PHACTR2: variants seen among roughly 807,000 people sequenced by gnomAD.
The protein encoded by PHACTR2 is chromosome 6 open reading frame 56.
PHACTR2 carries 30 observed loss-of-function variants against 76.0 expected under a neutral mutation model. The ratio of observed to expected loss-of-function variants is 0.39; its 90% CI spans 0.30 to 0.54. The LOEUF (loss-of-function observed/expected upper bound fraction) is 0.54. Among genes scored for constraint, PHACTR2 ranks in the 20% least tolerant of loss-of-function variants. PHACTR2 has a pLI of 0.61. For missense variants in PHACTR2, 696 were observed against 781.1 expected (o/e 0.89, Z 1.30); for synonymous variants, 292 against 292.5 (o/e 1.00, Z 0.02).
chr6:143,553,032 G>A lies in PHACTR2; in HGVS notation c.217+15825G>A, dbSNP rs1219834708. Among the ~76,000 whole-genome samples, 1 of 152,070 alleles carries A rather than the reference G, an allele frequency of 6.6e-6. No individual in the cohort carries two copies. The highest frequency in any genetic ancestry group is 1.5e-5 in the Non-Finnish European group (1 of 68,044). Reference sequence around the variant, plus strand: ...GCCAGGTATTTAAGGAGTGAAATGAGCAATGATGTTTCATCCAGATGCTTA... The same window carrying A: ...GCCAGGTATTTAAGGAGTGAAATGAACAATGATGTTTCATCCAGATGCTTA... On this transcript the variant is annotated intron_variant, in intron 1 of 11. Coordinates refer to the PHACTR2 transcript ENST00000367584. The surrounding 1 kb of genome is among the most constrained non-coding windows in gnomAD (Gnocchi z 4.2).
chr6:143,582,115 C>T (rs1448712260), intron 1 of PHACTR2, among the ~76,000 whole-genome samples: 2 of 152,086 alleles, frequency 1.3e-5, no homozygotes, highest in Admixed American at 6.5e-5. Flanking sequence ...GAATTTATAC[C>T]ACCTGTTTAG....
intron 12 of PHACTR2, among the ~76,000 whole-genome samples, chr6:143,808,566 A>G (rs1374375666): frequency 1.3e-5 from 2 of 152,244 alleles, no homozygotes; most frequent in Non-Finnish European, 2.9e-5. Flanking sequence ...AAGATTATTT[A>G]AAGTATACAA....
chr6:143,707,924 G>C (rs975917760), intron 1 of PHACTR2, among the ~76,000 whole-genome samples: 1 of 152,070 alleles, frequency 6.6e-6, no homozygotes, highest in Non-Finnish European at 1.5e-5. Context: ...AAGAGAGAGA[G>C]GGAGGTGCTA....
rs1338292360 is a variant in PHACTR2, at chr6:143,547,100, G to A, written c.217+9893G>A. ...ATAGAATTTATGTCTTCAAATGAGT[G>A]TTATCTTTTAGAGTTGTCATATTGG... On this transcript the variant is annotated intron_variant, in intron 1 of 11. Transcript: ENST00000367584. This position sits in a 1 kb window ranked among gnomAD's most constrained non-coding sequence, Gnocchi z 4.2. Among the ~76,000 whole-genome samples the A allele has an allele frequency of 2.0e-5, 3 of 151,976 alleles. No homozygotes were observed. Among genetic ancestry groups the A allele is most frequent in the African/African-American group, 7.2e-5 (3 of 41,382 alleles).
chr6:143,590,514 A>G (rs529272757), intron 1 of PHACTR2, among the ~76,000 whole-genome samples: 2 of 151,888 alleles, frequency 1.3e-5, no homozygotes, highest in South Asian at 2.1e-4. Flanking sequence ...TTAATGTAAG[A>G]TCAGTGTTAG....
Position 143,795,572 on chromosome 6 carries a change from G to T in PHACTR2, c.1845+6662G>T, listed in dbSNP as rs1775805409. ...TCAGTGGCAGAGAGGTGAGGTCAGA[G>T]AAGGCCATTGAATTGGCCTGAAGAC... On this transcript the variant is annotated intron_variant, in intron 11 of 12. Transcript: ENST00000440869. The surrounding 1 kb of genome is among the most constrained non-coding windows in gnomAD (Gnocchi z 4.8). Among the ~76,000 whole-genome samples the T allele has an allele frequency of 6.6e-6, 1 of 152,214 alleles. No homozygotes were observed. Among genetic ancestry groups the T allele is most frequent in the South Asian group, 2.1e-4 (1 of 4,832 alleles).
rs1775925501 is a variant in PHACTR2 at position 143,608,638 on chromosome 6, A to G, written c.13+316A>G. On this transcript the variant is annotated intron_variant, in intron 1 of 11. Coordinates refer to the PHACTR2 transcript ENST00000305766. This position sits in a 1 kb window ranked among gnomAD's most constrained non-coding sequence, Gnocchi z 4.6. ...GGTGGAAAATGCATACAGTTAGTGAAAAAACTATTACTAAGGGATGGCACA... is the reference window on the plus strand; with the variant it reads ...GGTGGAAAATGCATACAGTTAGTGAGAAAACTATTACTAAGGGATGGCACA... Among the ~76,000 whole-genome samples, 1 of 152,230 alleles carries G rather than the reference A, an allele frequency of 6.6e-6. No individual in the cohort carries two copies.
At position 143,806,566 on chromosome 6, in the gene PHACTR2, GC is replaced by G. The variant is rs931532994; in HGVS notation, c.1846-488del. Among the ~76,000 whole-genome samples, 1 of 152,146 alleles carries G rather than the reference GC, an allele frequency of 6.6e-6. No homozygotes were observed. Among genetic ancestry groups the G allele is most frequent in the African/African-American group, 2.4e-5 (1 of 41,430 alleles). ...AGACTCAAGGATGAGTTTAGCAAAG[GC>G]CCGCTCCCACTCCCTCTTGCCAATG... On this transcript the variant is annotated intron_variant, in intron 11 of 12. Coordinates refer to ENST00000440869, the MANE Select transcript of PHACTR2 (RefSeq NM_001100164.2). This position sits in a 1 kb window ranked among gnomAD's most constrained non-coding sequence, Gnocchi z 5.8.
upstream of PHACTR2, among the ~76,000 whole-genome samples, chr6:143,675,024 C>CTCA (rs752185582): frequency 1.3e-5 from 2 of 152,126 alleles, no homozygotes; most frequent in Non-Finnish European, 2.9e-5. This position sits in a 1 kb window ranked among gnomAD's most constrained non-coding sequence, Gnocchi z 4.9. Flanking sequence ...ACTTTGGGTA[C>CTCA]CCCAGGTGGG....
At chr6:143,579,829 A>G (rs999748969) in intron 1 of PHACTR2, among the ~76,000 whole-genome samples, 2 of 152,164 alleles carry the variant, frequency 1.3e-5, no homozygotes, top group Non-Finnish European at 2.9e-5. Flanking sequence ...GAATCCAGGC[A>G]CATTTAGCTG....
chr6:143,777,202 T>C lies in PHACTR2; in HGVS notation c.1590-126T>C. The C allele has an allele frequency of 5.3e-6, 3 of 563,314 alleles. No individual in the cohort carries two copies. Among genetic ancestry groups the C allele is most frequent in the Non-Finnish European group, 9.3e-6 (3 of 321,388 alleles). The allele number at this position is 563,314 out of a possible 1,614,324, so 34.9% of individuals were successfully genotyped here. On this transcript the variant is annotated intron_variant, in intron 8 of 12. Coordinates refer to ENST00000440869, the MANE Select transcript of PHACTR2 (RefSeq NM_001100164.2). This position sits in a 1 kb window ranked among gnomAD's most constrained non-coding sequence, Gnocchi z 4.6. ...AAACTAATGGGAAGGAGACTTTTATTTTGCAGCTTTAAAAATGGATTTTTA... is the reference window on the plus strand; with the variant it reads ...AAACTAATGGGAAGGAGACTTTTATCTTGCAGCTTTAAAAATGGATTTTTA...
chr6:143,763,759 T>C (rs1779490496), intron 5 of PHACTR2, among the ~76,000 whole-genome samples: 1 of 152,270 alleles, frequency 6.6e-6, no homozygotes, highest in Non-Finnish European at 1.5e-5. Context: ...TCATTTATTC[T>C]TCATCTCTTC....
rs1321922111 is a variant in PHACTR2 at position 143,619,248 on chromosome 6, G to T, written c.13+10926G>T. Among the ~76,000 whole-genome samples, 2 of 151,978 alleles carry T rather than the reference G, an allele frequency of 1.3e-5. No individual in the cohort carries two copies. The highest frequency in any genetic ancestry group is 2.9e-5 in the Non-Finnish European group (2 of 67,996). ...CTATCATTGATCAAGAGCCCTACCA[G>T]CCCCACTCCAGACCTAGTTAATTCA... is the stretch of plus-strand genomic sequence containing the variant. On this transcript the variant is annotated intron_variant, in intron 1 of 11. Transcript: ENST00000305766. The surrounding 1 kb of genome is among the most constrained non-coding windows in gnomAD (Gnocchi z 4.5).
At position 143,716,055 on chromosome 6, in the gene PHACTR2, C is replaced by T. The variant is rs1891388; in HGVS notation, c.214+3872C>T. On this transcript the variant is annotated intron_variant, in intron 2 of 12. Transcript: ENST00000440869. ...AGGGTTCTAGCAGCAAGCTTACCTACGAGGGGAACCTGACCTAGCTGGTGA... is the reference window on the plus strand; with the variant it reads ...AGGGTTCTAGCAGCAAGCTTACCTATGAGGGGAACCTGACCTAGCTGGTGA... Among the ~76,000 whole-genome samples the T allele has an allele frequency of 8.5e-3, 1,287 of 152,196 alleles. 26 individuals carry two copies. Among genetic ancestry groups the T allele is most frequent in the African/African-American group, 0.03 (1,233 of 41,532 alleles).
At position 143,765,437 on chromosome 6, in the gene PHACTR2, T is replaced by A. The variant is rs1779537948; in HGVS notation, c.871T>A (p.Ser291Thr). ...CAAGCAGCCAATAACTTCTCACCTG[T>A]CCTCAGACACAACAACTTCTGGCAC... ...TDKQPITSHL[S>T]SDTTTSGTSD... Residue 291 changes from serine to threonine, a missense_variant, in exon 6 of 13, where the codon TCC becomes ACC. By Grantham distance (58) the Ser-to-Thr change is moderately conservative. This residue lies in a region of PHACTR2 where 460 missense variants were observed against 450.9 expected (regional missense o/e 1.02). Coordinates refer to ENST00000440869, the MANE Select transcript of PHACTR2 (RefSeq NM_001100164.2). The surrounding 1 kb of genome is among the most constrained non-coding windows in gnomAD (Gnocchi z 4.1). 4.3e-6 allele frequency: 7 copies of A among 1,614,204 alleles called. No homozygotes were observed. Among genetic ancestry groups the A allele is most frequent in the Non-Finnish European group, 5.9e-6 (7 of 1,180,038 alleles).
At position 143,711,966 on chromosome 6, in the gene PHACTR2, ATTACAACCTTTT is replaced by A. The variant is rs759114328; in HGVS notation, c.47-38_47-27del. On this transcript the variant is annotated intron_variant, in intron 1 of 12. Transcript: ENST00000440869. ...AGGGACCAATTGATGATGTGGTTTT[ATTACAACCTTTT>A]TTACAACCTTTCTCTGTCTATATCT... The A allele has an allele frequency of 7.7e-6, 12 of 1,549,466 alleles. No individual in the cohort carries two copies. In the East Asian group the frequency reaches 2.2e-4, roughly 29 times the overall value.
At position 143,767,670 on chromosome 6, in the gene PHACTR2, A is replaced by G. The variant is rs1042782011; in HGVS notation, c.1232+1872A>G. Among the ~76,000 whole-genome samples the G allele has an allele frequency of 6.6e-6, 1 of 152,148 alleles. No individual in the cohort carries two copies. The highest frequency in any genetic ancestry group is 2.4e-5 in the African/African-American group (1 of 41,428). On this transcript the variant is annotated intron_variant, in intron 6 of 12. Transcript: ENST00000440869. This position sits in a 1 kb window ranked among gnomAD's most constrained non-coding sequence, Gnocchi z 4.4. Reference sequence around the variant, plus strand: ...AAGGATCTTCTTTCCATGTCATCACATGGTGGAAGGTGGAAGGGCAGAGAG... The same window carrying G: ...AAGGATCTTCTTTCCATGTCATCACGTGGTGGAAGGTGGAAGGGCAGAGAG...
intron 1 of PHACTR2, among the ~76,000 whole-genome samples, chr6:143,643,124 G>A (rs1371653877): frequency 6.6e-6 from 1 of 152,094 alleles, no homozygotes; most frequent in Non-Finnish European, 1.5e-5. Context: ...AATGAATTGA[G>A]TACATCATTA....
At position 143,571,979 on chromosome 6, in the gene PHACTR2, C is replaced by G. The variant is rs181813991; in HGVS notation, c.217+34772C>G. Among the ~76,000 whole-genome samples, 115 of 152,226 alleles carry G rather than the reference C, an allele frequency of 7.6e-4. No homozygotes were observed. Among genetic ancestry groups the G allele is most frequent in the African/African-American group, 2.6e-3 (109 of 41,532 alleles). ...AACTGATTTCTTATGAAACACTGGT[C>G]CCAAAAACATGTCAGATTATGAGGA... On this transcript the variant is annotated intron_variant, in intron 1 of 11. Transcript: ENST00000367584. This position sits in a 1 kb window ranked among gnomAD's most constrained non-coding sequence, Gnocchi z 4.6.
Sources: gnomAD v4.1 joint callset for allele counts (sites outside exome capture counted in the v4.1 genomes callset) on GRCh38, gnomAD v4.1.1 for gene constraint, gnomAD v4.1.1 regional missense constraint, Gnocchi (gnomAD v3.1) non-coding constraint, MANE v1.5 for transcripts, NCBI Gene and HGNC (gene_info 2026-07-23, HGNC 2026-07-21) for gene names.